Variants in ZMYM4 observed in about 807,000 individuals in gnomAD.
ZMYM4 encodes the protein zinc finger MYM-type protein 4.
A neutral mutation model predicts 183.2 loss-of-function variants in ZMYM4; 31 were observed. The observed-to-expected ratio is 0.17, with a 90% confidence interval of 0.13 to 0.23. ZMYM4 has a LOEUF of 0.23. Among genes scored for constraint, ZMYM4 ranks in the 10% least tolerant of loss-of-function variants. The pLI is 1.00. For synonymous variants in ZMYM4, 592 were observed against 631.2 expected, an observed-to-expected ratio of 0.94 and a Z score of 0.93; for missense variants, 1,273 against 1,840.3, an observed-to-expected ratio of 0.69 and a Z score of 5.64.
At chr1:35,395,613 T>A (rs888253242) in intron 18 of ZMYM4, among the ~76,000 whole-genome samples, 1 of 152,182 alleles carries the variant, frequency 6.6e-6, no homozygotes, top group African/African-American at 2.4e-5. Flanking sequence ...GTTGTACCCA[T>A]CATATGTTAA....
At chr1:35,381,147 T>C (rs911557128) in intron 7 of ZMYM4, 112 bp from the exon 8 acceptor site, 1 of 843,288 alleles carries the variant, frequency 1.2e-6, no homozygotes, top group Non-Finnish European at 1.7e-6. Context: ...TAAATTCCAG[T>C]GTTATTTCCC....
rs56242648 is a variant in ZMYM4, at chr1:35,331,797, CATAAATAAATAA to C, written c.85+6422_85+6433del. ...AGAAAAAGACTCCATCTCAAAAATA[CATAAATAAATAA>C]ATAAATAAATAAATAAATAAATAAA... is the stretch of plus-strand genomic sequence containing the variant. On this transcript the variant is annotated intron_variant, in intron 2 of 29. Transcript: ENST00000314607. 4.1e-3 allele frequency among the ~76,000 whole-genome samples: 583 copies of C among 140,638 alleles called. 3 individuals carry two copies. The highest frequency in any genetic ancestry group is 9.8e-3 in the South Asian group (43 of 4,386). The allele number at this position is 140,638 out of a possible 152,430, so 92.3% of individuals were successfully genotyped here. A position where few individuals can be genotyped will look rare whatever the true frequency, so the allele number is the denominator to read the frequency against.
chr1:35,339,396 A>G (rs1261056281), intron 2 of ZMYM4, among the ~76,000 whole-genome samples: 1 of 151,972 alleles, frequency 6.6e-6, no homozygotes, highest in East Asian at 1.9e-4. Context: ...CACCACACCC[A>G]GTTGATTTTT....
intron 1 of ZMYM4, among the ~76,000 whole-genome samples, chr1:35,282,979 GGTTTTTTTTTTTT>G (rs1640255414): frequency 2.3e-5 from 1 of 43,240 alleles, no homozygotes; most frequent in African/African-American, 6.1e-5. Context: ...CTGTGTGTGT[GGTTTTTTTTTTTT>G]TTTTTTTTTT....
intron 1 of ZMYM4, among the ~76,000 whole-genome samples, chr1:35,292,675 T>C (rs759302331): frequency 3.3e-5 from 5 of 152,084 alleles, no homozygotes; most frequent in Non-Finnish European, 7.4e-5. Context: ...TTTTTTTGTA[T>C]TTTTAGTAGA....
At chr1:35,409,586 CT>C (rs1639786133) in intron 26 of ZMYM4, among the ~76,000 whole-genome samples, 1 of 151,954 alleles carries the variant, frequency 6.6e-6, no homozygotes, top group South Asian at 2.1e-4. Flanking sequence ...GGAGAAATGT[CT>C]ATTTAAGTCC....
intron 7 of ZMYM4, chr1:35,370,989 A>G (rs1483222326): frequency 5.9e-6 from 1 of 169,994 alleles, no homozygotes; most frequent in East Asian, 1.6e-4. Flanking sequence ...TCCAACAAAT[A>G]TTTTAAGTTA....
rs1360640678 is a variant in ZMYM4 at position 35,397,432 on chromosome 1, A to G, written c.3086A>G (p.Glu1029Gly). The G allele has an allele frequency of 6.2e-7, 1 of 1,612,358 alleles. No homozygotes were observed. The highest frequency in any genetic ancestry group is 8.5e-7 in the Non-Finnish European group (1 of 1,179,158). ...ATGGATAGTGAAGATAAAGTCACAGAGAGTATTGAAGACATTAAAGAAAAG... is the reference window on the plus strand; with the variant it reads ...ATGGATAGTGAAGATAAAGTCACAGGGAGTATTGAAGACATTAAAGAAAAG... Reference protein sequence around the residue: ...SSMDSEDKVTESIEDIKEKLP... With the variant: ...SSMDSEDKVTGSIEDIKEKLP... The change falls in exon 20 of 30, where the codon GAG (glutamate) becomes GGG (glycine). Residue 1029 changes from glutamate to glycine, a missense_variant. Transcript: ENST00000314607.
At chr1:35,311,424 A>G (rs1193429999) in intron 1 of ZMYM4, among the ~76,000 whole-genome samples, 1 of 141,712 alleles carries the variant, frequency 7.1e-6, no homozygotes, top group Non-Finnish European at 1.5e-5. Context: ...CTCTGTCTCA[A>G]AAAAAAAAAA....
chr1:35,334,383 C>T (rs1009313901), intron 2 of ZMYM4, among the ~76,000 whole-genome samples: 8 of 152,132 alleles, frequency 5.3e-5, no homozygotes, highest in African/African-American at 1.4e-4. Context: ...AACACCTTCC[C>T]CCATCCATTA....
intron 7 of ZMYM4, among the ~76,000 whole-genome samples, chr1:35,379,438 G>A (rs532968595): frequency 1.3e-5 from 2 of 152,250 alleles, no homozygotes; most frequent in South Asian, 4.2e-4. Flanking sequence ...GTTTCACCAT[G>A]TTGGCTAGAC....
chr1:35,407,691 C>G (rs1349664410), intron 25 of ZMYM4, among the ~76,000 whole-genome samples: 3 of 152,130 alleles, frequency 2.0e-5, no homozygotes, highest in Non-Finnish European at 4.4e-5. Flanking sequence ...TTAACTCTTC[C>G]TCACCTTTTA....
chr1:35,360,567 G>A (rs995666649), intron 3 of ZMYM4, among the ~76,000 whole-genome samples: 5 of 151,952 alleles, frequency 3.3e-5, no homozygotes, highest in Non-Finnish European at 7.4e-5. Flanking sequence ...TCCCTTCTTG[G>A]GGTATGAGAG....
intron 2 of ZMYM4, among the ~76,000 whole-genome samples, chr1:35,334,107 GGAGTTC>G (rs1642875066): frequency 6.6e-6 from 1 of 151,778 alleles, no homozygotes; most frequent in Admixed American, 6.6e-5. Flanking sequence ...CTTGAGCCCA[GGAGTTC>G]GAGACCAGCC....
At chr1:35,287,778 G>A (rs1216050675) in intron 1 of ZMYM4, among the ~76,000 whole-genome samples, 2 of 151,928 alleles carry the variant, frequency 1.3e-5, no homozygotes, top group Non-Finnish European at 2.9e-5. Flanking sequence ...GCTAATTTTT[G>A]TATTTTTAGT....
intron 2 of ZMYM4, among the ~76,000 whole-genome samples, chr1:35,344,936 T>C (rs998271892): frequency 6.6e-6 from 1 of 152,240 alleles, no homozygotes; most frequent in African/African-American, 2.4e-5. Context: ...CTCAATTCAC[T>C]AGTGGAGACA....
intron 2 of ZMYM4, among the ~76,000 whole-genome samples, chr1:35,329,966 A>G (rs1642666109): frequency 2.6e-5 from 4 of 152,210 alleles, no homozygotes; most frequent in Admixed American, 2.6e-4. Context: ...CTGTAATTCC[A>G]GTACTTTGGG....
At position 35,297,212 on chromosome 1, in the gene ZMYM4, T is replaced by G. The variant is rs564777118; in HGVS notation, c.39+28127T>G. Among the ~76,000 whole-genome samples, 13 of 152,244 alleles carry G rather than the reference T, an allele frequency of 8.5e-5. 2 individuals carry two copies. Among genetic ancestry groups the G allele is most frequent in the African/African-American group, 2.6e-4 (11 of 41,554 alleles). On this transcript the variant is annotated intron_variant, in intron 1 of 29. Coordinates refer to ENST00000314607, the MANE Select transcript of ZMYM4 (RefSeq NM_005095.3). ...GGAGTCTCGTTCTGTCTGCCCTCACTTTCACACAATAAACTTGGCGAGACT... is the reference window on the plus strand; with the variant it reads ...GGAGTCTCGTTCTGTCTGCCCTCACGTTCACACAATAAACTTGGCGAGACT...
chr1:35,380,779 A>T (rs911344327), intron 7 of ZMYM4, among the ~76,000 whole-genome samples: 1 of 152,190 alleles, frequency 6.6e-6, no homozygotes, highest in Non-Finnish European at 1.5e-5. Context: ...TAGAAATTAA[A>T]TTATTTAGAT....
Sources: gnomAD v4.1 joint callset for allele counts (sites outside exome capture counted in the v4.1 genomes callset) on GRCh38, gnomAD v4.1.1 for gene constraint, MANE v1.5 for transcripts, NCBI Gene and HGNC (gene_info 2026-07-23, HGNC 2026-07-21) for gene names.